Variants in NIPBL observed in about 807,000 individuals in gnomAD.
NIPBL encodes the protein NIPBL cohesin loading factor, also known as nipped-B-like protein.
NIPBL carries 19 observed loss-of-function variants against 321.8 expected under a neutral mutation model. That is an observed-to-expected ratio of 0.06 (90% CI 0.04 to 0.09). The LOEUF is 0.09. Among genes scored for constraint, NIPBL ranks in the 10% least tolerant of loss-of-function variants. The pLI, the probability that NIPBL is intolerant of heterozygous loss-of-function variation, is 1.00. For synonymous variants in NIPBL, 1,106 were observed against 1,114.1 expected (o/e 0.99, Z 0.14); for missense variants, 2,210 against 3,327.0 (o/e 0.66, Z 8.26).
At chr5:36,972,171 C>A in intron 8 of NIPBL, 130 bp downstream of exon 8, 1 of 664,908 alleles carries the variant, frequency 1.5e-6, no homozygotes, top group South Asian at 1.9e-5. Flanking sequence ...AAAAATAAAC[C>A]TGTACAAGCA....
At chr5:36,977,306 G>T (rs987678608) in intron 9 of NIPBL, among the ~76,000 whole-genome samples, 2 of 151,920 alleles carry the variant, frequency 1.3e-5, no homozygotes, top group Admixed American at 1.3e-4. Flanking sequence ...TCTTGGTAAT[G>T]ATAAAACTTC....
At chr5:36,927,888 G>A (rs536425557) in intron 1 of NIPBL, among the ~76,000 whole-genome samples, 2 of 152,246 alleles carry the variant, frequency 1.3e-5, no homozygotes, top group South Asian at 4.1e-4. Context: ...GTTTCGCCAT[G>A]TTGGCCAGGC....
In NIPBL at chr5:37,057,022, CCTCT is replaced by C. The variant is rs559382879; in HGVS notation, c.7264-163_7264-160del. On this transcript the variant is annotated intron_variant, in intron 42 of 46. Transcript: ENST00000282516. Reference sequence around the variant, plus strand: ...CTATATTTCTCTCCCTCCTCCTCTCCCTCTGTCTCTCTGTGTCTCTCCCCACTCT... The same window carrying C: ...CTATATTTCTCTCCCTCCTCCTCTCCGTCTCTCTGTGTCTCTCCCCACTCT... Among the ~76,000 whole-genome samples the C allele has an allele frequency of 2.6e-4, 39 of 152,032 alleles. No homozygotes were observed. The South Asian group carries it at 7.5e-3, about 29-fold the overall frequency.
In NIPBL at chr5:36,881,475, G is replaced by A. The variant is rs554127463; in HGVS notation, c.-80+4297G>A. On this transcript the variant is annotated intron_variant, in intron 1 of 46. Coordinates refer to ENST00000282516, the MANE Select transcript of NIPBL (RefSeq NM_133433.4). ...GACTTATTTGCCAGGAGTTAAGTCT[G>A]TCCCCATAATATCTCATTTAATCTT... 1.2e-4 allele frequency among the ~76,000 whole-genome samples: 18 copies of A among 151,974 alleles called. No individual in the cohort carries two copies. The South Asian group carries it at 3.3e-3, about 28-fold the overall frequency.
At chr5:37,064,244 T>C (rs1755141990) in intron 46 of NIPBL, 6 of 1,378,294 alleles carry the variant, frequency 4.4e-6, no homozygotes, top group Non-Finnish European at 5.6e-6. Flanking sequence ...GTGTTATTTT[T>C]ATTGTTGCTA....
At chr5:37,054,195 CAAA>C (rs1200216062) in intron 42 of NIPBL, among the ~76,000 whole-genome samples, 4 of 57,574 alleles carry the variant, frequency 6.9e-5, no homozygotes, top group Middle Eastern at 8.9e-3. Flanking sequence ...GACTCCGTCT[CAAA>C]AAAAAAAAAA....
intron 29 of NIPBL, among the ~76,000 whole-genome samples, chr5:37,023,763 T>TC (rs1749934034): frequency 6.9e-6 from 1 of 145,012 alleles, no homozygotes; most frequent in Non-Finnish European, 1.5e-5. Flanking sequence ...TTTTTTTTTT[T>TC]TTTTTTTTTT....
At chr5:37,036,325 TTTC>T (rs966962260) in intron 32 of NIPBL, 51 bp from the exon 33 acceptor site, 3 of 415,030 alleles carry the variant, frequency 7.2e-6, no homozygotes, top group African/African-American at 7.1e-5. Flanking sequence ...GGGATTTTTT[TTTC>T]TTTTTTGTAT....
rs756373027 is a variant in NIPBL, at chr5:36,985,922, T to C, written c.2742T>C (p.Thr914=). Residue 914 remains threonine (T), a synonymous_variant, in exon 10 of 47, where the codon ACT becomes ACC. Coordinates refer to ENST00000282516, the MANE Select transcript of NIPBL (RefSeq NM_133433.4). Reference sequence around the variant, plus strand: ...ATAAACTTGGTTTTAAATCACCAACTAGTAAAGATGACAAAAGGACAGAGG... The same window carrying C: ...ATAAACTTGGTTTTAAATCACCAACCAGTAAAGATGACAAAAGGACAGAGG... ...RSDKLGFKSP[T]SKDDKRTEGN... is the part of the protein sequence containing the mutation. The C allele has an allele frequency of 2.9e-5, 47 of 1,613,910 alleles. No individual in the cohort carries two copies. In the South Asian group the frequency reaches 5.1e-4, roughly 17 times the overall value.
intron 1 of NIPBL, among the ~76,000 whole-genome samples, chr5:36,949,627 T>G (rs1412253512): frequency 6.6e-6 from 1 of 151,974 alleles, no homozygotes; most frequent in African/African-American, 2.4e-5. Context: ...TGTATATGAT[T>G]ATTTCTTTAG....
chr5:36,918,197 C>T lies in NIPBL; in HGVS notation c.-79-35421C>T, dbSNP rs1257591750. Among the ~76,000 whole-genome samples, 7 of 152,118 alleles carry T rather than the reference C, an allele frequency of 4.6e-5. No homozygotes were observed. In the South Asian group the frequency reaches 1.0e-3, roughly 23 times the overall value. ...CATTTGTTTGTATCCTCTTTTATTT[C>T]GTTGAGCAGTGGTATGTAGTTCTCC... On this transcript the variant is annotated intron_variant, in intron 1 of 46. Transcript: ENST00000282516.
Position 36,957,955 on chromosome 5 carries a change from C to T in NIPBL, c.231-149C>T, listed in dbSNP as rs111951890. 4.6e-3 allele frequency: 3,113 copies of T among 681,866 alleles called. 80 individuals are homozygous for T. In the African/African-American group the frequency reaches 0.052, roughly 11 times the overall value. The allele number at this position is 681,866 out of a possible 1,614,324, so 42.2% of individuals were successfully genotyped here. ...CTGAGATTGTACCATTGCACTCCAG[C>T]CTGGGGGACAAGAGTGAGACTTCGT... On this transcript the variant is annotated intron_variant, in intron 3 of 46. Coordinates refer to ENST00000282516, the MANE Select transcript of NIPBL (RefSeq NM_133433.4).
At chr5:36,897,989 A>G (rs1746900270) in intron 1 of NIPBL, among the ~76,000 whole-genome samples, 1 of 152,088 alleles carries the variant, frequency 6.6e-6, no homozygotes, top group Non-Finnish European at 1.5e-5. Flanking sequence ...AAATAAATCT[A>G]TTGATTAGGA....
At chr5:37,031,858 A>G (rs1022751375) in intron 32 of NIPBL, among the ~76,000 whole-genome samples, 20 of 152,374 alleles carry the variant, frequency 1.3e-4, no homozygotes, top group Non-Finnish European at 2.4e-4. Flanking sequence ...AGAAGAGTAC[A>G]TATTATAATT....
rs536806432 is a variant in NIPBL, at chr5:36,900,671, T to TTTTTG, written c.-80+23513_-80+23517dup. ...CAGCATATGGCATATGCTCGGGTTT[T>TTTTTG]TTTTGTTTTGTTTTGTTTTGTTTTT... On this transcript the variant is annotated intron_variant, in intron 1 of 46. Coordinates refer to ENST00000282516, the MANE Select transcript of NIPBL (RefSeq NM_133433.4). Among the ~76,000 whole-genome samples the TTTTTG allele has an allele frequency of 9.9e-5, 15 of 152,198 alleles. No homozygotes were observed. In the South Asian group the frequency reaches 2.1e-3, roughly 21 times the overall value.
At chr5:37,016,353 G>GTGAAGTT (rs1748993641) in intron 23 of NIPBL, among the ~76,000 whole-genome samples, 183 bp downstream of exon 23, 1 of 151,952 alleles carries the variant, frequency 6.6e-6, no homozygotes, top group Non-Finnish European at 1.5e-5. Context: ...TTCAAATGTT[G>GTGAAGTT]TGAAGTTTGG....
At chr5:36,990,086 T>C (rs779248074) in intron 10 of NIPBL, among the ~76,000 whole-genome samples, 2 of 152,078 alleles carry the variant, frequency 1.3e-5, no homozygotes, top group Admixed American at 6.6e-5. Flanking sequence ...TCAAGAAATA[T>C]CCGTATTATT....
chr5:36,921,914 T>C (rs1748978614), intron 1 of NIPBL, among the ~76,000 whole-genome samples: 1 of 149,754 alleles, frequency 6.7e-6, no homozygotes, highest in African/African-American at 2.5e-5. Context: ...TGAAACGAAG[T>C]CTTGCTCTGT....
chr5:36,954,449 T>G (rs763404343), intron 2 of NIPBL, among the ~76,000 whole-genome samples: 2 of 152,300 alleles, frequency 1.3e-5, no homozygotes, highest in East Asian at 3.9e-4. Context: ...GTAACTAGTT[T>G]ATGAGGTCTA....
Sources: gnomAD v4.1 joint callset for allele counts (sites outside exome capture counted in the v4.1 genomes callset) on GRCh38, gnomAD v4.1.1 for gene constraint, MANE v1.5 for transcripts, NCBI Gene and HGNC (gene_info 2026-07-23, HGNC 2026-07-21) for gene names.